The following SFT2D1 variants were observed in gnomAD, a reference collection of about 807,000 sequenced individuals.
SFT2D1 encodes the protein SFT2 domain containing 1.
A neutral mutation model predicts 28.1 loss-of-function variants in SFT2D1; 24 were observed. That is an observed-to-expected ratio of 0.85 (90% CI 0.62 to 1.20). The LOEUF is 1.20. SFT2D1 is among the 50% of genes most tolerant of loss of function. The pLI is 0.00. For synonymous variants in SFT2D1, 82 were observed against 73.7 expected, an observed-to-expected ratio of 1.11 and a Z score of -0.58; for missense variants, 181 against 190.9, an observed-to-expected ratio of 0.95 and a Z score of 0.31.
chr6:166,336,685 G>A (rs879725069), intron 1 of SFT2D1, among the ~76,000 whole-genome samples: 5 of 151,998 alleles, frequency 3.3e-5, no homozygotes, highest in African/African-American at 7.3e-5. Context: ...TCCTCCCACC[G>A]CAGCCTCCCA....
At position 166,324,572 on chromosome 6, in the gene SFT2D1, C is replaced by T. The variant is rs1373204639; in HGVS notation, c.375G>A (p.Val125=). The change falls in exon 6 of 8, where the codon GTG becomes GTA. Residue 125 remains valine, a synonymous_variant. Transcript: ENST00000361731. ...ALWWHKKGLA[V]LFCILQFLSM... is the part of the protein sequence containing the mutation. ...ACAAGAACTGCAATATGCAGAATAACACAGCCAGTCCCTTCTTATGCCACT... is the reference window on the plus strand; with the variant it reads ...ACAAGAACTGCAATATGCAGAATAATACAGCCAGTCCCTTCTTATGCCACT... The T allele has an allele frequency of 6.2e-7, 1 of 1,612,998 alleles. No individual in the cohort carries two copies. The highest frequency in any genetic ancestry group is 8.5e-7 in the Non-Finnish European group (1 of 1,179,844).
intron 5 of SFT2D1, 108 bp downstream of exon 5, chr6:166,326,024 A>T: frequency 9.2e-7 from 1 of 1,084,168 alleles, no homozygotes; most frequent in Non-Finnish European, 1.4e-6. Context: ...ATCTTTAGAG[A>T]GTTTTAAAAA....
Position 166,319,970 on chromosome 6 carries a change from A to G in SFT2D1, c.*247T>C, listed in dbSNP as rs1778317969. 2.5e-6 allele frequency: 1 copy of G among 394,106 alleles called. No homozygotes were observed. The highest frequency in any genetic ancestry group is 4.5e-6 in the Non-Finnish European group (1 of 223,238). 24.4% of individuals were successfully genotyped at this position (394,106 alleles called of 1,614,324 possible). On this transcript the variant is annotated 3_prime_UTR_variant, in exon 8 of 8. Transcript: ENST00000361731. ...TAAAAATTGGCTAAAAATAATTTAC[A>G]ACTGGCAGTGATTAAAAATCTTATC...
chr6:166,320,396 T>G (rs1387321295), intron 7 of SFT2D1, 140 bp from the exon 8 acceptor site: 1 of 651,554 alleles, frequency 1.5e-6, no homozygotes, highest in African/African-American at 1.8e-5. Flanking sequence ...AAAACTTTGT[T>G]CAGTATCATT....
chr6:166,320,867 T>G (rs1390444503), intron 7 of SFT2D1, among the ~76,000 whole-genome samples: 1 of 152,156 alleles, frequency 6.6e-6, no homozygotes, highest in Non-Finnish European at 1.5e-5. Flanking sequence ...GGCTCACGCC[T>G]GTAAGGCAGG....
intron 5 of SFT2D1, among the ~76,000 whole-genome samples, chr6:166,325,112 T>C (rs1447456566): frequency 6.6e-6 from 1 of 152,048 alleles, no homozygotes; most frequent in East Asian, 1.9e-4. Context: ...AGTGCTTTTT[T>C]ACTTATTTAT....
chr6:166,333,928 CAACT>C (rs1166387757), intron 1 of SFT2D1, among the ~76,000 whole-genome samples: 1 of 151,984 alleles, frequency 6.6e-6, no homozygotes, highest in African/African-American at 2.4e-5. Flanking sequence ...CCAAACACAC[CAACT>C]AAGAACACCC....
chr6:166,332,576 T>C (rs1312079289), intron 1 of SFT2D1, among the ~76,000 whole-genome samples: 3 of 152,146 alleles, frequency 2.0e-5, no homozygotes, highest in Non-Finnish European at 2.9e-5. Flanking sequence ...ATCATAAGCA[T>C]TTATGTGCTG....
chr6:166,339,503 C>T (rs1270083966), intron 1 of SFT2D1, among the ~76,000 whole-genome samples: 1 of 152,188 alleles, frequency 6.6e-6, no homozygotes, highest in Non-Finnish European at 1.5e-5. Flanking sequence ...CACTTCTTTG[C>T]TCCACAGGAA....
chr6:166,336,235 ACT>A (rs145226904), intron 1 of SFT2D1, among the ~76,000 whole-genome samples: 2,970 of 152,288 alleles, frequency 0.02, 91 homozygotes, highest in African/African-American at 0.068. Context: ...TGGAGAAGCC[ACT>A]GTCTTCAGTG....
At position 166,320,163 on chromosome 6, in the gene SFT2D1, C is replaced by T; in HGVS notation, c.*54G>A. On this transcript the variant is annotated 3_prime_UTR_variant, in exon 8 of 8. Transcript: ENST00000361731. ...GTGTTTTATGGGGAAAAGCAAACTT[C>T]ACCAAACATAGAGTACCAACATTCA... 6.4e-7 allele frequency: 1 copy of T among 1,572,036 alleles called. No homozygotes were observed. Among genetic ancestry groups the T allele is most frequent in the Non-Finnish European group, 8.7e-7 (1 of 1,146,432 alleles).
At chr6:166,331,791 T>C (rs1445961795) in intron 1 of SFT2D1, among the ~76,000 whole-genome samples, 2 of 152,218 alleles carry the variant, frequency 1.3e-5, no homozygotes, top group Non-Finnish European at 2.9e-5. Flanking sequence ...TAAATGTATA[T>C]AACTTTTATT....
At chr6:166,324,265 CTTA>C (rs1778404403) in intron 6 of SFT2D1, 1 of 342,368 alleles carries the variant, frequency 2.9e-6, no homozygotes, top group Non-Finnish European at 5.3e-6. Context: ...ACCTACTTTT[CTTA>C]TTATTTCTCT....
intron 5 of SFT2D1, among the ~76,000 whole-genome samples, chr6:166,324,954 C>T (rs192531931): frequency 1.3e-5 from 2 of 152,034 alleles, no homozygotes; most frequent in African/African-American, 4.8e-5. Context: ...GATCTGTATG[C>T]CCCATGTGAA....
At chr6:166,341,492 G>GT (rs2114918185) in intron 1 of SFT2D1, among the ~76,000 whole-genome samples, 1 of 151,634 alleles carries the variant, frequency 6.6e-6, no homozygotes, top group South Asian at 2.1e-4. Flanking sequence ...TGTGGCTGTG[G>GT]TAATATACAG....
chr6:166,342,196 G>T (rs189579042), intron 1 of SFT2D1, among the ~76,000 whole-genome samples: 169 of 134,070 alleles, frequency 1.3e-3, no homozygotes, highest in Middle Eastern at 4.4e-3. Context: ...CCAGATGGGA[G>T]AGTCGGGGGG....
chr6:166,336,313 C>T (rs1008127627), intron 1 of SFT2D1, among the ~76,000 whole-genome samples: 2 of 152,156 alleles, frequency 1.3e-5, no homozygotes, highest in Non-Finnish European at 2.9e-5. Flanking sequence ...GGGGATCACC[C>T]AAGCAAAGTC....
At chr6:166,334,789 T>C (rs1274802445) in intron 1 of SFT2D1, 9 of 404,024 alleles carry the variant, frequency 2.2e-5, no homozygotes, top group Non-Finnish European at 4.3e-5. Context: ...GTGAAGGAGG[T>C]GGATGCGCCA....
At chr6:166,330,644 G>C (rs376514444) in intron 1 of SFT2D1, among the ~76,000 whole-genome samples, 1 of 152,216 alleles carries the variant, frequency 6.6e-6, no homozygotes, top group African/African-American at 2.4e-5. Context: ...AGAGTACACA[G>C]GTTCATTATC....
Sources: allele counts gnomAD v4.1 joint callset (sites outside exome capture counted in the v4.1 genomes callset), GRCh38; gene constraint gnomAD v4.1.1; transcripts MANE v1.5; gene names NCBI Gene and HGNC (gene_info 2026-07-23, HGNC 2026-07-21).